The following ENTREP2 variants were observed in gnomAD, a reference collection of about 807,000 sequenced individuals.
The protein encoded by ENTREP2 is endosomal transmembrane epsin interactor 2.
chr15:29,415,894 C>T, the ENTREP2 span, among the ~76,000 whole-genome samples: 1 of 152,128 alleles, frequency 6.6e-6, no homozygotes, highest in Non-Finnish European at 1.5e-5. Flanking sequence ...CTCCCATTCA[C>T]AACTGCTTCA....
the ENTREP2 span, among the ~76,000 whole-genome samples, chr15:29,514,419 C>T: frequency 6.6e-6 from 1 of 152,216 alleles, no homozygotes; most frequent in Non-Finnish European, 1.5e-5. Context: ...CAATCTTCCA[C>T]TGTGTATACA....
the ENTREP2 span, among the ~76,000 whole-genome samples, chr15:29,130,133 T>C: frequency 2.6e-5 from 4 of 152,086 alleles, no homozygotes; most frequent in African/African-American, 9.7e-5. Context: ...ACACAAAGGG[T>C]GTGAGCTGCC....
At chr15:29,202,520 C>T in the ENTREP2 span, among the ~76,000 whole-genome samples, 1 of 151,966 alleles carries the variant, frequency 6.6e-6, no homozygotes, top group Non-Finnish European at 1.5e-5. Context: ...GCAGAATGTA[C>T]AGGTTTGTTA....
the ENTREP2 span, among the ~76,000 whole-genome samples, chr15:29,626,098 C>T: frequency 1.6e-4 from 25 of 152,332 alleles, no homozygotes; most frequent in East Asian, 4.0e-3. Flanking sequence ...CAACCCACCT[C>T]GGCCTCCCAA....
the ENTREP2 span, among the ~76,000 whole-genome samples, chr15:29,153,962 G>A: frequency 1.3e-5 from 2 of 152,166 alleles, no homozygotes; most frequent in Non-Finnish European, 2.9e-5. Flanking sequence ...GCATACCACT[G>A]TGCCCAGCTA....
At chr15:29,434,113 C>T in the ENTREP2 span, among the ~76,000 whole-genome samples, 1 of 152,136 alleles carries the variant, frequency 6.6e-6, no homozygotes, top group Non-Finnish European at 1.5e-5. Flanking sequence ...GTGTGGTTAC[C>T]GTGGCTCTAG....
At chr15:29,432,761 C>T in the ENTREP2 span, among the ~76,000 whole-genome samples, 2 of 152,132 alleles carry the variant, frequency 1.3e-5, no homozygotes, top group South Asian at 2.1e-4. Context: ...TCCCCTCCTC[C>T]CCCAGCTCCC....
the ENTREP2 span, among the ~76,000 whole-genome samples, chr15:29,169,320 G>A: frequency 6.6e-6 from 1 of 151,770 alleles, no homozygotes; most frequent in East Asian, 1.9e-4. Flanking sequence ...GAACATTTTG[G>A]GAAAAAAAAG....
At chr15:29,563,744 G>A in the ENTREP2 span, among the ~76,000 whole-genome samples, 6 of 150,792 alleles carry the variant, frequency 4.0e-5, no homozygotes, top group African/African-American at 1.5e-4. Flanking sequence ...GGCTGAGGCA[G>A]GAGAATCGCT....
At chr15:29,271,230 A>G in the ENTREP2 span, among the ~76,000 whole-genome samples, 2 of 152,336 alleles carry the variant, frequency 1.3e-5, no homozygotes, top group African/African-American at 4.8e-5. Context: ...AAAAACAAAT[A>G]TATTATCAAG....
chr15:29,664,846 TG>T, the ENTREP2 span, among the ~76,000 whole-genome samples: 1 of 152,230 alleles, frequency 6.6e-6, no homozygotes, highest in Admixed American at 6.5e-5. Context: ...TGTTGGGCAC[TG>T]CCAGAGAGAA....
At chr15:29,503,628 T>C in the ENTREP2 span, among the ~76,000 whole-genome samples, 2 of 152,172 alleles carry the variant, frequency 1.3e-5, no homozygotes, top group Non-Finnish European at 2.9e-5. Context: ...GTAAGGATAA[T>C]AAAATCATCT....
At chr15:29,402,265 T>TATATATATATATATATATATATATATAC in the ENTREP2 span, among the ~76,000 whole-genome samples, 629 of 137,596 alleles carry the variant, frequency 4.6e-3, 9 homozygotes, top group Non-Finnish European at 5.1e-3. Context: ...TATATATATA[T>TATATATATATATATATATATATATATAC]ACACACACAT....
At chr15:29,429,242 G>A in the ENTREP2 span, among the ~76,000 whole-genome samples, 5 of 151,454 alleles carry the variant, frequency 3.3e-5, no homozygotes, top group Non-Finnish European at 7.4e-5. Context: ...TCTATCTTGA[G>A]ATGGGGTGTT....
At chr15:29,368,246 A>G in the ENTREP2 span, among the ~76,000 whole-genome samples, 3 of 150,790 alleles carry the variant, frequency 2.0e-5, no homozygotes, top group Non-Finnish European at 4.4e-5. Flanking sequence ...AACTGTTTGA[A>G]CTCTGCCAGG....
At chr15:29,323,250 C>T in the ENTREP2 span, among the ~76,000 whole-genome samples, 1 of 152,152 alleles carries the variant, frequency 6.6e-6, no homozygotes, top group Non-Finnish European at 1.5e-5. Context: ...GCCCAATCCC[C>T]CAACCCCAGG....
the ENTREP2 span, among the ~76,000 whole-genome samples, chr15:29,178,527 C>T: frequency 6.6e-6 from 1 of 152,046 alleles, no homozygotes; most frequent in East Asian, 2.0e-4. Context: ...TTCTGCTTGT[C>T]CCTGGGGCCT....
the ENTREP2 span, among the ~76,000 whole-genome samples, chr15:29,232,972 T>C: frequency 6.6e-6 from 1 of 152,176 alleles, no homozygotes; most frequent in Non-Finnish European, 1.5e-5. Flanking sequence ...GCCTTTTTAG[T>C]TTTTGAATAG....
chr15:29,357,995 C>T, the ENTREP2 span, among the ~76,000 whole-genome samples: 1 of 152,034 alleles, frequency 6.6e-6, no homozygotes, highest in African/African-American at 2.4e-5. Context: ...GGGGCACCTA[C>T]ATGAGTACAG....
Sources: gnomAD v4.1 joint callset for allele counts (sites outside exome capture counted in the v4.1 genomes callset) on GRCh38, gnomAD v4.1.1 for gene constraint, MANE v1.5 for transcripts, NCBI Gene and HGNC (gene_info 2026-07-23, HGNC 2026-07-21) for gene names.